FMN2: variants seen among roughly 807,000 people sequenced by gnomAD.
FMN2 encodes the protein formin 2.
FMN2 carries 51 observed loss-of-function variants against 142.3 expected under a neutral mutation model. The ratio of observed to expected loss-of-function variants is 0.36; its 90% CI spans 0.29 to 0.45. The LOEUF is 0.45. Ranked by LOEUF, FMN2 falls within the 20% of genes least tolerant of loss-of-function variation. The pLI is 1.00. For missense variants in FMN2, 1,936 were observed against 2,122.8 expected (o/e 0.91, Z 1.73); for synonymous variants, 882 against 869.8 (o/e 1.01, Z -0.25).
intron 7 of FMN2, among the ~76,000 whole-genome samples, chr1:240,269,258 A>ATG (rs1668912818): frequency 6.6e-6 from 1 of 151,638 alleles, no homozygotes; most frequent in South Asian, 2.1e-4. Flanking sequence ...TTTTGTGTAT[A>ATG]TATAGATGTA....
chr1:240,330,377 T>C (rs1008999698), intron 10 of FMN2, among the ~76,000 whole-genome samples: 1 of 152,290 alleles, frequency 6.6e-6, no homozygotes, highest in Admixed American at 6.5e-5. Context: ...TGGCCTAACA[T>C]AGCATCCCCC....
chr1:240,393,568 TGAAA>T (rs1430620471), intron 15 of FMN2, among the ~76,000 whole-genome samples: 1 of 152,134 alleles, frequency 6.6e-6, no homozygotes, highest in African/African-American at 2.4e-5. Context: ...AGTATTCAAG[TGAAA>T]GAAAGAGTCA....
intron 3 of FMN2, among the ~76,000 whole-genome samples, chr1:240,184,802 G>T (rs375544903): frequency 4.6e-5 from 7 of 151,868 alleles, no homozygotes; most frequent in Admixed American, 6.6e-5. Flanking sequence ...GGAGCTCTAT[G>T]AAAGTTGGAA....
intron 13 of FMN2, among the ~76,000 whole-genome samples, chr1:240,353,479 C>T (rs1192244219): frequency 6.6e-6 from 1 of 152,192 alleles, no homozygotes; most frequent in East Asian, 1.9e-4. Flanking sequence ...TATACAGCAA[C>T]TAACCCATCC....
chr1:240,317,574 GTTCATTTCA>G (rs1670831956), intron 8 of FMN2, among the ~76,000 whole-genome samples: 1 of 152,068 alleles, frequency 6.6e-6, no homozygotes. Flanking sequence ...TGCCTCAGTA[GTTCATTTCA>G]TTTTATTGTT....
chr1:240,106,654 A>G (rs1661619806), intron 1 of FMN2, among the ~76,000 whole-genome samples: 1 of 152,082 alleles, frequency 6.6e-6, no homozygotes, highest in Non-Finnish European at 1.5e-5. Context: ...ATATGTTTTT[A>G]AATACTCATC....
intron 15 of FMN2, among the ~76,000 whole-genome samples, chr1:240,420,280 A>C (rs549322318): frequency 6.6e-6 from 1 of 152,078 alleles, no homozygotes; most frequent in African/African-American, 2.4e-5. Context: ...TGGTGTGCCT[A>C]CTTCTCTCAG....
At chr1:240,113,280 G>T (rs1661885114) in intron 1 of FMN2, among the ~76,000 whole-genome samples, 1 of 151,918 alleles carries the variant, frequency 6.6e-6, no homozygotes, top group African/African-American at 2.4e-5. Flanking sequence ...AAGTAAGATT[G>T]TGGCCGGGCA....
At chr1:240,419,421 A>C (rs1416336668) in intron 15 of FMN2, among the ~76,000 whole-genome samples, 1 of 152,128 alleles carries the variant, frequency 6.6e-6, no homozygotes, top group Non-Finnish European at 1.5e-5. Flanking sequence ...TGGGCAAAAA[A>C]AAAAGTGTGA....
At chr1:240,178,827 T>G (rs1230501364) in intron 3 of FMN2, among the ~76,000 whole-genome samples, 1 of 152,218 alleles carries the variant, frequency 6.6e-6, no homozygotes, top group African/African-American at 2.4e-5. Context: ...GAGGAGTAAA[T>G]AGAAGAACAT....
chr1:240,269,388 A>G lies in FMN2; in HGVS notation c.4153+11356A>G, dbSNP rs560624462. Among the ~76,000 whole-genome samples, 24 of 152,054 alleles carry G rather than the reference A, an allele frequency of 1.6e-4. No individual in the cohort carries two copies. The South Asian group carries it at 4.6e-3, about 29-fold the overall frequency. The stretch of plus-strand genomic sequence containing the variant: ...GGTTTATTTCTGGACACTCCATTCT[A>G]TTCCACTGGACGATGTGTCTATTTT... On this transcript the variant is annotated intron_variant, in intron 7 of 17. Coordinates refer to ENST00000319653, the MANE Select transcript of FMN2 (RefSeq NM_020066.5).
intron 2 of FMN2, among the ~76,000 whole-genome samples, chr1:240,151,468 C>T (rs1016069702): frequency 6.6e-6 from 1 of 151,984 alleles, no homozygotes; most frequent in African/African-American, 2.4e-5. Flanking sequence ...GCTTGGTATG[C>T]GCTTTCCTGG....
chr1:240,419,504 C>T (rs1045824892), intron 15 of FMN2, among the ~76,000 whole-genome samples: 13 of 152,126 alleles, frequency 8.5e-5, no homozygotes, highest in African/African-American at 3.1e-4. Context: ...CCACTACAAG[C>T]TGTACTTTTG....
rs558380517 is a variant in FMN2 at position 240,197,213 on chromosome 1, C to G, written c.1986+8951C>G. On this transcript the variant is annotated intron_variant, in intron 4 of 17. Coordinates refer to ENST00000319653, the MANE Select transcript of FMN2 (RefSeq NM_020066.5). ...ACATCATGAAACCTCCATTAAAACC[C>G]CCAAAATTGATGGGATTTGGAGAGC... Among the ~76,000 whole-genome samples, 36 of 152,246 alleles carry G rather than the reference C, an allele frequency of 2.4e-4. 3 individuals are homozygous for G. In the Middle Eastern group the frequency reaches 0.024, roughly 101 times the overall value.
intron 6 of FMN2, among the ~76,000 whole-genome samples, chr1:240,232,359 G>A (rs1667557294): frequency 6.6e-6 from 1 of 151,418 alleles, no homozygotes; most frequent in African/African-American, 2.4e-5. Flanking sequence ...CAAAGTGCTG[G>A]CATTACAGGC....
At chr1:240,300,065 A>G (rs555145176) in intron 8 of FMN2, among the ~76,000 whole-genome samples, 33 of 152,344 alleles carry the variant, frequency 2.2e-4, no homozygotes, top group African/African-American at 7.9e-4. Context: ...TCCATGTGAC[A>G]TGAATATGTG....
intron 6 of FMN2, among the ~76,000 whole-genome samples, chr1:240,222,327 C>T (rs1667149523): frequency 6.6e-6 from 1 of 152,074 alleles, no homozygotes; most frequent in African/African-American, 2.4e-5. Context: ...TCTGAGGCCT[C>T]TGCTCTGTTC....
chr1:240,334,218 A>C lies in FMN2; in HGVS notation c.4754A>C (p.Lys1585Thr), dbSNP rs1426218462. ...CAAAAAGATCTCAGAAAACTGAAGAAAGACTTGAAAGGTAACTTAAAATCC... is the reference window on the plus strand; with the variant it reads ...CAAAAAGATCTCAGAAAACTGAAGACAGACTTGAAAGGTAACTTAAAATCC... ...DFQKDLRKLK[K>T]DLKACEVEAG... is the part of the protein sequence containing the mutation. Residue 1585 changes from lysine to threonine, a missense_variant, in exon 13 of 18, where the codon AAA (lysine) becomes ACA (threonine). Physicochemically the swap from Lys to Thr is moderately conservative, Grantham distance 78 (BLOSUM62 -1). This residue lies in a region of FMN2 where 322 missense variants were observed against 401.6 expected (regional missense o/e 0.80). Transcript: ENST00000319653. The C allele has an allele frequency of 6.3e-7, 1 of 1,598,076 alleles. No individual in the cohort carries two copies. Among genetic ancestry groups the C allele is most frequent in the Admixed American group, 1.8e-5 (1 of 55,204 alleles).
At chr1:240,195,889 C>T (rs1665892284) in intron 4 of FMN2, among the ~76,000 whole-genome samples, 1 of 151,902 alleles carries the variant, frequency 6.6e-6, no homozygotes, top group East Asian at 1.9e-4. Flanking sequence ...GCCATGGTGG[C>T]ATGAGCTACT....
Sources: gnomAD v4.1 joint callset for allele counts (sites outside exome capture counted in the v4.1 genomes callset) on GRCh38, gnomAD v4.1.1 for gene constraint, gnomAD v4.1.1 regional missense constraint, MANE v1.5 for transcripts, NCBI Gene and HGNC (gene_info 2026-07-23, HGNC 2026-07-21) for gene names.